The following LDB2 variants were observed in gnomAD, a reference collection of about 807,000 sequenced individuals.
The protein encoded by LDB2 is LIM domain binding 2.
In LDB2, 12 loss-of-function variants were observed where a neutral mutation model predicts 44.3. The ratio of observed to expected loss-of-function variants is 0.27; its 90% CI spans 0.17 to 0.44. The LOEUF (loss-of-function observed/expected upper bound fraction) is 0.44, where lower values mean the gene tolerates loss of function less well. Ranked by LOEUF, LDB2 falls within the 20% of genes least tolerant of loss-of-function variation. The pLI is 1.00. For missense variants in LDB2, 344 were observed against 473.5 expected (o/e 0.73, Z 2.54); for synonymous variants, 164 against 174.8 (o/e 0.94, Z 0.49).
intron 2 of LDB2, among the ~76,000 whole-genome samples, chr4:16,655,896 CTTTTT>C (rs747097456): frequency 2.7e-4 from 25 of 93,312 alleles, no homozygotes; most frequent in Non-Finnish European, 4.1e-4. Flanking sequence ...TGCAAGAAAA[CTTTTT>C]TTTTTTTTTT....
intron 1 of LDB2, among the ~76,000 whole-genome samples, chr4:16,777,584 A>C (rs1055090819): frequency 1.3e-5 from 2 of 152,166 alleles, no homozygotes; most frequent in Admixed American, 6.5e-5. Context: ...TATCATAGAA[A>C]GGCTTTAAGC....
intron 1 of LDB2, among the ~76,000 whole-genome samples, chr4:16,809,058 TC>T (rs755958126): frequency 3.3e-5 from 5 of 152,202 alleles, no homozygotes; most frequent in Admixed American, 2.0e-4. Context: ...GGCATGTATC[TC>T]TACTCTCTTT....
chr4:16,875,114 A>G (rs12639770), intron 1 of LDB2, among the ~76,000 whole-genome samples: 92,995 of 151,926 alleles, frequency 0.61, 29,040 homozygotes, highest in East Asian at 0.85. Context: ...ACAAGTATTC[A>G]CTGGACAGCA....
At chr4:16,882,558 A>C (rs1445555986) in intron 1 of LDB2, among the ~76,000 whole-genome samples, 2 of 152,188 alleles carry the variant, frequency 1.3e-5, no homozygotes, top group Non-Finnish European at 2.9e-5. Flanking sequence ...TCCAGAGACC[A>C]GGTAATATTA....
At chr4:16,743,472 C>A (rs1763757320) in intron 2 of LDB2, among the ~76,000 whole-genome samples, 1 of 152,098 alleles carries the variant, frequency 6.6e-6, no homozygotes, top group African/African-American at 2.4e-5. Context: ...TATCCCATGA[C>A]TCATTTTACA....
chr4:16,618,229 T>C (rs1355337411), intron 2 of LDB2, among the ~76,000 whole-genome samples: 15 of 152,324 alleles, frequency 9.8e-5, no homozygotes, highest in Admixed American at 8.5e-4. Flanking sequence ...CCATTTTCAC[T>C]GGACCGGGAT....
intron 2 of LDB2, among the ~76,000 whole-genome samples, chr4:16,719,010 T>G (rs111711217): frequency 2.1e-3 from 324 of 151,812 alleles, no homozygotes; most frequent in African/African-American, 7.2e-3. Flanking sequence ...TTGTACAAAT[T>G]GAAACTCAAA....
chr4:16,750,659 C>T (rs1156767491), intron 2 of LDB2, among the ~76,000 whole-genome samples: 2 of 152,106 alleles, frequency 1.3e-5, no homozygotes, highest in African/African-American at 4.8e-5. Context: ...GAACTGGGGT[C>T]CTTGAAGTAG....
chr4:16,694,796 G>A (rs1751705835), intron 2 of LDB2, among the ~76,000 whole-genome samples: 1 of 152,230 alleles, frequency 6.6e-6, no homozygotes. Context: ...ACCTTCCAGA[G>A]TTGTGGAGAG....
chr4:16,660,589 C>G (rs1036505098), intron 2 of LDB2, among the ~76,000 whole-genome samples: 1 of 152,124 alleles, frequency 6.6e-6, no homozygotes, highest in African/African-American at 2.4e-5. Flanking sequence ...CTACTACATG[C>G]CAGGCACCTT....
intron 2 of LDB2, among the ~76,000 whole-genome samples, chr4:16,615,351 A>C (rs1726967624): frequency 6.6e-6 from 1 of 152,212 alleles, no homozygotes. Flanking sequence ...ACATGGAACC[A>C]ACCCAAATGC....
intron 2 of LDB2, among the ~76,000 whole-genome samples, chr4:16,675,229 T>G (rs893179045): frequency 2.0e-5 from 3 of 152,228 alleles, no homozygotes; most frequent in African/African-American, 7.2e-5. Flanking sequence ...GGAATTGCCA[T>G]TGGCATCCAT....
At chr4:16,596,095 C>T (rs1433291226) in intron 2 of LDB2, among the ~76,000 whole-genome samples, 1 of 152,078 alleles carries the variant, frequency 6.6e-6, no homozygotes, top group African/African-American at 2.4e-5. Flanking sequence ...AGTCATCTCT[C>T]TAGATTTTGT....
chr4:16,695,381 T>C (rs901342021), intron 2 of LDB2, among the ~76,000 whole-genome samples: 3 of 151,386 alleles, frequency 2.0e-5, no homozygotes, highest in African/African-American at 7.3e-5. Context: ...AAATACAAAA[T>C]TAGCCAGGTA....
chr4:16,861,342 C>T (rs957897074), intron 1 of LDB2, among the ~76,000 whole-genome samples: 2 of 152,130 alleles, frequency 1.3e-5, no homozygotes, highest in African/African-American at 4.8e-5. Flanking sequence ...GGGACTGTCC[C>T]ATGAATTGTC....
intron 2 of LDB2, among the ~76,000 whole-genome samples, chr4:16,716,861 T>G (rs1012536822): frequency 7.9e-5 from 12 of 152,266 alleles, no homozygotes; most frequent in East Asian, 3.9e-4. Context: ...ATATTTATAC[T>G]AAATTTTAAT....
intron 1 of LDB2, among the ~76,000 whole-genome samples, chr4:16,837,520 A>C (rs1252751065): frequency 6.6e-6 from 1 of 152,170 alleles, no homozygotes; most frequent in Non-Finnish European, 1.5e-5. Context: ...AGTCTATTGA[A>C]TGTTAGAAAA....
At chr4:16,749,558 C>CA (rs1287627062) in intron 2 of LDB2, among the ~76,000 whole-genome samples, 3,117 of 75,336 alleles carry the variant, frequency 0.041, 135 homozygotes, top group African/African-American at 0.15. Flanking sequence ...GACTCCATCT[C>CA]AAAAAAAAAA....
intron 1 of LDB2, among the ~76,000 whole-genome samples, chr4:16,855,004 A>T (rs568659597): frequency 5.6e-5 from 8 of 143,586 alleles, no homozygotes; most frequent in Non-Finnish European, 1.3e-4. Context: ...AAAGACAAAC[A>T]ACCCAATAGA....
Sources: allele counts gnomAD v4.1 joint callset (sites outside exome capture counted in the v4.1 genomes callset), GRCh38; gene constraint gnomAD v4.1.1; transcripts MANE v1.5; gene names NCBI Gene and HGNC (gene_info 2026-07-23, HGNC 2026-07-21).